Variants in DOCK2 observed in about 807,000 individuals in gnomAD.
The protein encoded by DOCK2 is dedicator of cytokinesis protein 2.
DOCK2 carries 87 observed loss-of-function variants against 248.9 expected under a neutral mutation model. The ratio of observed to expected loss-of-function variants is 0.35; its 90% CI spans 0.29 to 0.42. The LOEUF (loss-of-function observed/expected upper bound fraction) is 0.42. Among genes scored for constraint, DOCK2 ranks in the 10% least tolerant of loss-of-function variants. The probability of loss-of-function intolerance (pLI) is 1.00; values close to 1 mark genes in which losing one functional copy is unlikely to be tolerated. For synonymous variants in DOCK2, 805 were observed against 821.6 expected (o/e 0.98, Z 0.35); for missense variants, 1,747 against 2,300.2 (o/e 0.76, Z 4.92).
rs70979150 is a variant in DOCK2, at chr5:169,961,978, C to CAAAAAAAAAA, written c.2800-21082_2800-21073dup. The stretch of plus-strand genomic sequence containing the variant: ...TGGGTGAAAAAGTGAGACTCTGTCC[C>CAAAAAAAAAA]AAAAAAAAAAAAAAAAATGGAGAAA... On this transcript the variant is annotated intron_variant, in intron 27 of 51. Transcript: ENST00000520908. Among the ~76,000 whole-genome samples the CAAAAAAAAAA allele has an allele frequency of 4.7e-4, 35 of 74,626 alleles. 10 individuals are homozygous for CAAAAAAAAAA. The highest frequency in any genetic ancestry group is 2.6e-3 in the East Asian group (6 of 2,292). The allele number at this position is 74,626 out of a possible 152,430, so 49.0% of individuals were successfully genotyped here.
Position 170,069,169 on chromosome 5 carries a change from C to T in DOCK2, c.4677C>T (p.His1559=), listed in dbSNP as rs1018533048. 1.2e-6 allele frequency: 2 copies of T among 1,614,106 alleles called. No homozygotes were observed. The highest frequency in any genetic ancestry group is 1.7e-6 in the Non-Finnish European group (2 of 1,179,994). ...AFFTEEYVRD[H]PEDQDKLTHL... is the part of the protein sequence containing the mutation. ...TCACTGAAGAGTATGTCAGGGACCACCCTGAGGACCAGGACAAGCTGACCC... is the reference window on the plus strand; with the variant it reads ...TCACTGAAGAGTATGTCAGGGACCATCCTGAGGACCAGGACAAGCTGACCC... The change falls in exon 46 of 52, where the codon CAC becomes CAT. Residue 1559 remains histidine (H), a synonymous_variant. Transcript: ENST00000520908.
At chr5:169,972,169 T>C (rs977531092) in intron 27 of DOCK2, among the ~76,000 whole-genome samples, 4 of 152,250 alleles carry the variant, frequency 2.6e-5, no homozygotes, top group African/African-American at 9.6e-5. Context: ...CTATCAATCT[T>C]GTAGTTTCTC....
intron 25 of DOCK2, among the ~76,000 whole-genome samples, chr5:169,797,665 G>T (rs1052739990): frequency 6.6e-6 from 1 of 152,166 alleles, no homozygotes. Context: ...TCACTCGGTG[G>T]TAAGTCTCCC....
chr5:170,005,067 TA>T (rs33958422), intron 30 of DOCK2, among the ~76,000 whole-genome samples: 61,469 of 137,756 alleles, frequency 0.45, 13,643 homozygotes, highest in African/African-American at 0.62. Flanking sequence ...TAAAGTATAA[TA>T]AAAAAAAAAA....
chr5:169,967,351 T>G (rs2113757394), intron 27 of DOCK2, among the ~76,000 whole-genome samples: 1 of 152,286 alleles, frequency 6.6e-6, no homozygotes, highest in Admixed American at 6.5e-5. Context: ...TAGATACATG[T>G]GTTGGCTCAG....
chr5:169,862,514 A>AG (rs905987378), intron 27 of DOCK2, among the ~76,000 whole-genome samples: 2 of 152,144 alleles, frequency 1.3e-5, no homozygotes, highest in African/African-American at 4.8e-5. Context: ...AGGAAAAAAA[A>AG]AATCTGTGGC....
chr5:169,999,127 A>G (rs537568334), intron 30 of DOCK2, among the ~76,000 whole-genome samples: 5 of 152,352 alleles, frequency 3.3e-5, no homozygotes, highest in African/African-American at 7.2e-5. Context: ...GAGAAGCTCA[A>G]CTTCAGTCCT....
chr5:170,052,479 G>A (rs984730305), intron 41 of DOCK2, among the ~76,000 whole-genome samples: 1 of 152,080 alleles, frequency 6.6e-6, no homozygotes, highest in African/African-American at 2.4e-5. Context: ...AAAGGGGAAG[G>A]GCTAATATTT....
chr5:169,825,208 T>G (rs1167580822), intron 26 of DOCK2, among the ~76,000 whole-genome samples: 2 of 152,136 alleles, frequency 1.3e-5, no homozygotes, highest in African/African-American at 2.4e-5. Flanking sequence ...GGAAGACATT[T>G]TGGCGATTCC....
chr5:169,820,893 A>G (rs548591795), intron 26 of DOCK2, among the ~76,000 whole-genome samples: 9 of 152,308 alleles, frequency 5.9e-5, no homozygotes, highest in South Asian at 2.1e-4. Flanking sequence ...TGAATGGCTA[A>G]CTAGAATAAC....
chr5:170,069,230 C>A lies in DOCK2; in HGVS notation c.4728+10C>A. 6.2e-7 allele frequency: 1 copy of A among 1,613,154 alleles called. No individual in the cohort carries two copies. The highest frequency in any genetic ancestry group is 8.5e-7 in the Non-Finnish European group (1 of 1,179,552). ...CCTGATTGCATGGCAGGTGAGGCAG[C>A]GCTGGCCAGGGGAGCATGCTGCTCT... On this transcript the variant is annotated intron_variant, in intron 46 of 51. Coordinates refer to ENST00000520908, the MANE Select transcript of DOCK2 (RefSeq NM_004946.3).
intron 27 of DOCK2, among the ~76,000 whole-genome samples, chr5:169,964,546 C>T (rs963775784): frequency 6.6e-5 from 10 of 152,240 alleles, no homozygotes; most frequent in East Asian, 3.9e-4. Flanking sequence ...CCAGCATCTC[C>T]GCCTGGAGGG....
chr5:169,859,372 G>A (rs1300664492), intron 27 of DOCK2, among the ~76,000 whole-genome samples: 1 of 152,172 alleles, frequency 6.6e-6, no homozygotes, highest in Admixed American at 6.5e-5. Flanking sequence ...ACTCAAAAAT[G>A]GGATTATGTT....
At chr5:170,055,741 G>T (rs1757103969) in intron 42 of DOCK2, among the ~76,000 whole-genome samples, 1 of 152,246 alleles carries the variant, frequency 6.6e-6, no homozygotes, top group Non-Finnish European at 1.5e-5. Flanking sequence ...TGATAGGCAG[G>T]GTGGAGACAG....
At position 170,034,399 on chromosome 5, in the gene DOCK2, C is replaced by T; in HGVS notation, c.3468C>T (p.Ile1156=). The T allele has an allele frequency of 6.2e-7, 1 of 1,613,972 alleles. No individual in the cohort carries two copies. Among genetic ancestry groups the T allele is most frequent in the Non-Finnish European group, 8.5e-7 (1 of 1,179,970 alleles). ...CACTGCCCTCTGGTCTCTGCCGCAG[C>T]CTGATGGAATGTGCTGCAGAGCACC... ...DEQYMQLLES[I]LMECAAEHPT... is the part of the protein sequence containing the mutation. Residue 1156 remains isoleucine (I), a splice_region_variant and synonymous_variant, in exon 35 of 52, where the codon ATC becomes ATT. Transcript: ENST00000520908.
chr5:169,787,799 CTCT>C (rs546278280), intron 25 of DOCK2, among the ~76,000 whole-genome samples: 319 of 148,850 alleles, frequency 2.1e-3, no homozygotes, highest in Non-Finnish European at 3.0e-3. Context: ...CCTCTTTTAC[CTCT>C]TCTTTTTTCT....
At position 169,847,086 on chromosome 5, in the gene DOCK2, A is replaced by C. The variant is rs145649148; in HGVS notation, c.2799+6234A>C. Among the ~76,000 whole-genome samples the C allele has an allele frequency of 4.6e-5, 7 of 152,120 alleles. No individual in the cohort carries two copies. In the East Asian group the frequency reaches 1.2e-3, roughly 25 times the overall value. ...ATGGTGCATATATCCCACATTATCTACTCATTAGCTGATGGGCACTTAGGT... is the reference window on the plus strand; with the variant it reads ...ATGGTGCATATATCCCACATTATCTCCTCATTAGCTGATGGGCACTTAGGT... On this transcript the variant is annotated intron_variant, in intron 27 of 51. Transcript: ENST00000520908.
At chr5:169,905,745 A>G (rs994338294) in intron 27 of DOCK2, among the ~76,000 whole-genome samples, 29 of 152,162 alleles carry the variant, frequency 1.9e-4, no homozygotes, top group African/African-American at 4.8e-4. Context: ...AGGAACTGCA[A>G]ACCACCCAGG....
intron 27 of DOCK2, among the ~76,000 whole-genome samples, chr5:169,880,405 A>G (rs547628538): frequency 7.2e-5 from 11 of 152,344 alleles, no homozygotes; most frequent in African/African-American, 1.4e-4. Context: ...AGGCAACCCA[A>G]TTAGGCTCCA....
Sources: allele counts gnomAD v4.1 joint callset (sites outside exome capture counted in the v4.1 genomes callset), GRCh38; gene constraint gnomAD v4.1.1; transcripts MANE v1.5; gene names NCBI Gene and HGNC (gene_info 2026-07-23, HGNC 2026-07-21).